Variants in CCNY observed in about 807,000 individuals in gnomAD.
The protein encoded by CCNY is cyclin-Y.
Under a neutral mutation model 42.8 loss-of-function variants are expected in CCNY, and 19 were observed. That is an observed-to-expected ratio of 0.44 (90% CI 0.31 to 0.65). CCNY has a LOEUF of 0.65. Among genes scored for constraint, CCNY ranks in the 30% least tolerant of loss-of-function variants. The probability of loss-of-function intolerance (pLI) is 0.07; values close to 1 mark genes in which losing one functional copy is unlikely to be tolerated. For synonymous variants in CCNY, 165 were observed against 162.7 expected, an observed-to-expected ratio of 1.01 and a Z score of -0.11; for missense variants, 370 against 437.3, an observed-to-expected ratio of 0.85 and a Z score of 1.37.
At chr10:35,506,296 T>C (rs1024414848) in intron 3 of CCNY, among the ~76,000 whole-genome samples, 1 of 152,236 alleles carries the variant, frequency 6.6e-6, no homozygotes, top group African/African-American at 2.4e-5. Context: ...GATTTTCATG[T>C]GACTAAAGGA....
At chr10:35,370,440 C>T (rs1053685204) in intron 1 of CCNY, among the ~76,000 whole-genome samples, 9 of 151,656 alleles carry the variant, frequency 5.9e-5, no homozygotes, top group East Asian at 1.9e-4. Flanking sequence ...CGTGAGCCAC[C>T]GCGCCCGGCC....
chr10:35,265,165 T>C (rs577042370), intron 3 of CCNY, among the ~76,000 whole-genome samples: 1 of 152,282 alleles, frequency 6.6e-6, no homozygotes, highest in East Asian at 1.9e-4. Context: ...TAACAAATGA[T>C]GATGAAATAT....
At chr10:35,460,062 G>A (rs1335851114) in intron 1 of CCNY, among the ~76,000 whole-genome samples, 2 of 152,212 alleles carry the variant, frequency 1.3e-5, no homozygotes, top group Non-Finnish European at 1.5e-5. Flanking sequence ...AATAGCAGGG[G>A]ATGTTAACAG....
chr10:35,340,737 C>T (rs956890401), intron 1 of CCNY, among the ~76,000 whole-genome samples: 1 of 152,162 alleles, frequency 6.6e-6, no homozygotes, highest in African/African-American at 2.4e-5. Flanking sequence ...CTCCTGACCT[C>T]AAGTGATCTG....
intron 1 of CCNY, among the ~76,000 whole-genome samples, chr10:35,430,950 C>G (rs1838381303): frequency 6.6e-6 from 1 of 151,912 alleles, no homozygotes; most frequent in South Asian, 2.1e-4. Flanking sequence ...AACCCCATCT[C>G]TACTAAAAAT....
At chr10:35,401,999 T>C (rs1156329408) in intron 1 of CCNY, among the ~76,000 whole-genome samples, 1 of 152,202 alleles carries the variant, frequency 6.6e-6, no homozygotes, top group Non-Finnish European at 1.5e-5. Flanking sequence ...ATGGCTTAGC[T>C]TGGGCTTAGA....
chr10:35,307,259 T>C (rs112582518), intron 3 of CCNY, among the ~76,000 whole-genome samples: 8,769 of 152,268 alleles, frequency 0.058, 391 homozygotes, highest in African/African-American at 0.12. Flanking sequence ...TGTAATAATA[T>C]CATTATCCTT....
chr10:35,395,197 C>T (rs1837497454), intron 1 of CCNY, among the ~76,000 whole-genome samples: 1 of 152,096 alleles, frequency 6.6e-6, no homozygotes. Context: ...AAGTTTTTAC[C>T]AGAAAGTGAT....
chr10:35,512,085 G>A (rs1295286810), intron 3 of CCNY, among the ~76,000 whole-genome samples: 5 of 152,198 alleles, frequency 3.3e-5, no homozygotes, highest in African/African-American at 1.2e-4. Flanking sequence ...GGGAAAGGAT[G>A]ATGTGGAAAT....
intron 2 of CCNY, among the ~76,000 whole-genome samples, chr10:35,496,966 G>A (rs990854025): frequency 6.6e-5 from 10 of 152,038 alleles, no homozygotes; most frequent in Non-Finnish European, 1.5e-4. Flanking sequence ...TATTGTTTTT[G>A]CTGATTTTAG....
At chr10:35,419,533 C>CTTTTTTTTTTTTTT (rs34429228) in intron 1 of CCNY, among the ~76,000 whole-genome samples, 29 of 129,680 alleles carry the variant, frequency 2.2e-4, no homozygotes, top group Non-Finnish European at 3.1e-4. Context: ...TAGACCGTTC[C>CTTTTTTTTTTTTTT]TTTTTTTTTT....
chr10:35,353,212 C>T (rs1221188762), intron 1 of CCNY, among the ~76,000 whole-genome samples: 1 of 152,204 alleles, frequency 6.6e-6, no homozygotes, highest in African/African-American at 2.4e-5. Flanking sequence ...CAGTCATGAG[C>T]TACCACACGT....
intron 1 of CCNY, among the ~76,000 whole-genome samples, chr10:35,441,399 C>T (rs7910269): frequency 0.01 from 1,530 of 152,250 alleles, 36 homozygotes; most frequent in African/African-American, 0.035. Context: ...GCATTGTGTA[C>T]GTTTCTTGTT....
chr10:35,337,615 G>A (rs1011476527), intron 1 of CCNY, among the ~76,000 whole-genome samples: 5 of 152,236 alleles, frequency 3.3e-5, no homozygotes, highest in African/African-American at 1.2e-4. Flanking sequence ...TAAAAGCGAA[G>A]TGAGTGGATT....
At chr10:35,295,037 C>T (rs528548841) in intron 3 of CCNY, among the ~76,000 whole-genome samples, 2 of 151,908 alleles carry the variant, frequency 1.3e-5, no homozygotes, top group African/African-American at 4.8e-5. Context: ...GACCTGTAGT[C>T]CCAGCTACTT....
intron 1 of CCNY, among the ~76,000 whole-genome samples, chr10:35,428,537 A>G (rs1838318448): frequency 6.6e-6 from 1 of 152,100 alleles, no homozygotes. Context: ...TATATTAATA[A>G]TTTTGGTATT....
rs35268084 is a variant in CCNY at position 35,516,661 on chromosome 10, C to CTTTTTTTTTTTTTTT, written c.365+51_365+65dup. ...ATTTATTTCCTTCCTTCCTTCCTTCCTTTTTTTTTTTTTTTTTTTTTTTTT... is the reference window on the plus strand; with the variant it reads ...ATTTATTTCCTTCCTTCCTTCCTTCCTTTTTTTTTTTTTTTTTTTTTTTTTTTTTTTTTTTTTTTT... On this transcript the variant is annotated intron_variant, in intron 4 of 9. Coordinates refer to ENST00000374704, the MANE Select transcript of CCNY (RefSeq NM_145012.6). 5 of 327,600 alleles carry CTTTTTTTTTTTTTTT rather than the reference C, an allele frequency of 1.5e-5. No individual in the cohort carries two copies. The African/African-American group carries it at 2.0e-4, about 13-fold the overall frequency. 20.3% of individuals were successfully genotyped at this position (327,600 alleles called of 1,614,324 possible). A position where few individuals can be genotyped will look rare whatever the true frequency, so the allele number is the denominator to read the frequency against.
intron 1 of CCNY, among the ~76,000 whole-genome samples, chr10:35,401,627 A>G (rs769345079): frequency 2.0e-5 from 3 of 151,084 alleles, no homozygotes; most frequent in Non-Finnish European, 4.4e-5. Context: ...GCGTGTGAAG[A>G]GACCACCAAA....
At chr10:35,326,781 A>G (rs2135100726) in intron 3 of CCNY, among the ~76,000 whole-genome samples, 1 of 152,244 alleles carries the variant, frequency 6.6e-6, no homozygotes, top group East Asian at 1.9e-4. Flanking sequence ...CCCAGATACT[A>G]GAGAGGCTTA....
Sources: allele counts gnomAD v4.1 joint callset (sites outside exome capture counted in the v4.1 genomes callset), GRCh38; gene constraint gnomAD v4.1.1; transcripts MANE v1.5; gene names NCBI Gene and HGNC (gene_info 2026-07-23, HGNC 2026-07-21).